The following CARD10 variants were observed in gnomAD, a reference collection of about 807,000 sequenced individuals.
The protein encoded by CARD10 is caspase recruitment domain family member 10, also known as caspase recruitment domain-containing protein 10.
CARD10 carries 49 observed loss-of-function variants against 114.6 expected under a neutral mutation model. The ratio of observed to expected loss-of-function variants is 0.43; its 90% CI spans 0.34 to 0.54. The LOEUF (loss-of-function observed/expected upper bound fraction) is 0.54, where lower values mean the gene tolerates loss of function less well. CARD10 is among the 20% of genes least tolerant of loss of function. The pLI, the probability that CARD10 is intolerant of heterozygous loss-of-function variation, is 0.03. For missense variants in CARD10, 1,206 were observed against 1,397.2 expected (o/e 0.86, Z 2.18); for synonymous variants, 602 against 593.2 (o/e 1.01, Z -0.21).
chr22:37,502,613 G>A lies in CARD10; in HGVS notation c.1776C>T (p.Asp592=). The A allele has an allele frequency of 1.2e-6, 2 of 1,613,826 alleles. No homozygotes were observed. The highest frequency in any genetic ancestry group is 1.7e-6 in the Non-Finnish European group (2 of 1,179,928). The stretch of plus-strand genomic sequence containing the variant: ...GGCAGCTACAGTACCTGTTGAGGAA[G>A]TCCAGGCCACAGCCCCGAGCCAGGA... ...EGLLARGCGL[D]FLNRSLAIRV... Residue 592 remains aspartate (D), a synonymous_variant, in exon 11 of 20, where the codon GAC becomes GAT. Coordinates refer to ENST00000251973, the MANE Select transcript of CARD10 (RefSeq NM_014550.4).
Position 37,496,901 on chromosome 22 carries a change from C to A in CARD10, c.1947+118G>T. ...CCACAGCTAATCACTGAGCCCGCTT[C>A]GGCTTTGACCAATCCCCAGAAGCTC... is the stretch of plus-strand genomic sequence containing the variant. On this transcript the variant is annotated intron_variant, in intron 12 of 19. Transcript: ENST00000251973. This position sits in a 1 kb window ranked among gnomAD's most constrained non-coding sequence, Gnocchi z 4.1. 1 of 1,234,546 alleles carries A rather than the reference C, an allele frequency of 8.1e-7. No homozygotes were observed. Among genetic ancestry groups the A allele is most frequent in the Non-Finnish European group, 1.1e-6 (1 of 887,604 alleles). 76.5% of individuals were successfully genotyped at this position (1,234,546 alleles called of 1,614,324 possible).
chr22:37,503,264 C>T, intron 9 of CARD10, 51 bp from the exon 10 acceptor site: 1 of 1,527,474 alleles, frequency 6.5e-7, no homozygotes, highest in Non-Finnish European at 8.9e-7. Context: ...ACAGTGGGCA[C>T]TCTGCCCCGC....
At chr22:37,494,009 G>C in intron 16 of CARD10, 77 bp downstream of exon 16, 1 of 1,129,336 alleles carries the variant, frequency 8.9e-7, no homozygotes, top group Non-Finnish European at 1.3e-6. Flanking sequence ...GGCCACCCAA[G>C]CTAAAGGACA....
chr22:37,517,105 C>T (rs150244982), intron 2 of CARD10, among the ~76,000 whole-genome samples: 34 of 152,302 alleles, frequency 2.2e-4, no homozygotes, highest in African/African-American at 6.3e-4. Context: ...TGCACAAAGA[C>T]GCACATACAA....
intron 11 of CARD10, among the ~76,000 whole-genome samples, chr22:37,499,958 C>T (rs1289257461): frequency 6.6e-6 from 1 of 152,186 alleles, no homozygotes; most frequent in Non-Finnish European, 1.5e-5. Flanking sequence ...GCCCCCTCCC[C>T]AGTCAGGTCA....
At chr22:37,493,129 C>T (rs931084148) in intron 16 of CARD10, among the ~76,000 whole-genome samples, 5 of 152,178 alleles carry the variant, frequency 3.3e-5, no homozygotes, top group Non-Finnish European at 1.5e-5. Context: ...ACATCCCCCA[C>T]GTGGGTGACA....
At chr22:37,510,461 C>A (rs573039985) in intron 3 of CARD10, 40 bp from the exon 4 acceptor site, 1 of 1,587,490 alleles carries the variant, frequency 6.3e-7, no homozygotes, top group African/African-American at 1.3e-5. Flanking sequence ...GGGAGACACA[C>A]TGGGAGCCAC....
In CARD10 at chr22:37,516,239, C is replaced by T. The variant is rs769979914; in HGVS notation, c.433G>A (p.Glu145Lys). 6.2e-7 allele frequency: 1 copy of T among 1,605,804 alleles called. No individual in the cohort carries two copies. The highest frequency in any genetic ancestry group is 8.5e-7 in the Non-Finnish European group (1 of 1,177,326). Reference protein sequence around the residue: ...FLMTEVRRLREARKSQLQREQ... With the variant: ...FLMTEVRRLRKARKSQLQREQ... ...CGCTGCAGCTGGCTCTTGCGAGCTT[C>T]CCGCAGCCGTCGCACCTCTGTCATC... Residue 145 changes from glutamate (E) to lysine (K), a missense_variant, in exon 3 of 20, where the codon GAA (glutamate) becomes AAA (lysine). Coordinates refer to ENST00000251973, the MANE Select transcript of CARD10 (RefSeq NM_014550.4).
rs529928592 is a variant in CARD10 at position 37,504,526 on chromosome 22, C to G, written c.1518+109G>C. On this transcript the variant is annotated intron_variant, in intron 8 of 19. Coordinates refer to ENST00000251973, the MANE Select transcript of CARD10 (RefSeq NM_014550.4). ...TTCAGTAAAGTACTTGGCCTCCCTG[C>G]GCCTCAGTGTCCTCACCTGTGAAAT... is the stretch of plus-strand genomic sequence containing the variant. The G allele has an allele frequency of 3.5e-6, 5 of 1,435,464 alleles. No homozygotes were observed. In the East Asian group the frequency reaches 1.2e-4, roughly 35 times the overall value. 88.9% of individuals were successfully genotyped at this position (1,435,464 alleles called of 1,614,324 possible).
intron 6 of CARD10, among the ~76,000 whole-genome samples, chr22:37,507,369 G>T (rs1257422632): frequency 2.0e-5 from 3 of 152,212 alleles, no homozygotes; most frequent in Non-Finnish European, 2.9e-5. Context: ...CGCTGCAGAT[G>T]GAACCTCACA....
intron 11 of CARD10, among the ~76,000 whole-genome samples, chr22:37,497,957 GA>G (rs1402338523): frequency 6.6e-6 from 1 of 152,132 alleles, no homozygotes; most frequent in Non-Finnish European, 1.5e-5. Flanking sequence ...CGTGGAAGCA[GA>G]GAGAGGCTTC....
At chr22:37,518,743 A>G (rs1923926497) in intron 1 of CARD10, among the ~76,000 whole-genome samples, 1 of 152,194 alleles carries the variant, frequency 6.6e-6, no homozygotes, top group Non-Finnish European at 1.5e-5. Flanking sequence ...GAGAACCCCA[A>G]GAGACAAAAC....
chr22:37,509,643 C>A (rs1426322315), intron 4 of CARD10, among the ~76,000 whole-genome samples: 1 of 149,332 alleles, frequency 6.7e-6, no homozygotes, highest in Non-Finnish European at 1.5e-5. Flanking sequence ...GACCTCCCCG[C>A]AGCCTGTGCC....
At chr22:37,510,485 G>A (rs1032697740) in intron 3 of CARD10, 64 bp from the exon 4 acceptor site, 77 of 1,456,272 alleles carry the variant, frequency 5.3e-5, no homozygotes, top group Non-Finnish European at 7.0e-5. Context: ...TTACAGGGGT[G>A]GGAAGACCTG....
chr22:37,509,124 C>G (rs1341597647), intron 4 of CARD10: 1 of 1,502,856 alleles, frequency 6.7e-7, no homozygotes, highest in African/African-American at 1.4e-5. Context: ...AGATCTTGCC[C>G]CCAGACCCAC....
At chr22:37,513,921 A>G (rs1476211009) in intron 3 of CARD10, among the ~76,000 whole-genome samples, 2 of 151,158 alleles carry the variant, frequency 1.3e-5, no homozygotes, top group Non-Finnish European at 3.0e-5. Flanking sequence ...TAACATGGTG[A>G]AACCCCATCT....
In CARD10 at chr22:37,519,223, G is replaced by A. The variant is rs780968576; in HGVS notation, c.-23C>T. 6.7e-7 allele frequency: 1 copy of A among 1,488,910 alleles called. No individual in the cohort carries two copies. The highest frequency in any genetic ancestry group is 8.9e-7 in the Non-Finnish European group (1 of 1,121,642). 92.2% of individuals were successfully genotyped at this position (1,488,910 alleles called of 1,614,324 possible). ...CATGGCCGTGTCCTCAGGGTCTGCG[G>A]GCAAGAGGCGCACGGGGGTCGACCA... On this transcript the variant is annotated 5_prime_UTR_variant, in exon 1 of 20. Coordinates refer to ENST00000251973, the MANE Select transcript of CARD10 (RefSeq NM_014550.4). This position sits in a 1 kb window ranked among gnomAD's most constrained non-coding sequence, Gnocchi z 4.1.
At chr22:37,511,081 CA>C (rs869295765) in intron 3 of CARD10, among the ~76,000 whole-genome samples, 8,108 of 91,926 alleles carry the variant, frequency 0.088, 214 homozygotes, top group Middle Eastern at 0.25. Flanking sequence ...GACTCTGTCT[CA>C]AAAAAAAAAA....
At position 37,491,092 on chromosome 22, in the gene CARD10, C is replaced by A. The variant is rs1035961945; in HGVS notation, c.*67G>T. On this transcript the variant is annotated 3_prime_UTR_variant, in exon 20 of 20. Transcript: ENST00000251973. ...TCTAGGAAGGCTCAGGGTGGGAGGGCCCAGCTTCACCATAGACACCAGGGT... is the reference window on the plus strand; with the variant it reads ...TCTAGGAAGGCTCAGGGTGGGAGGGACCAGCTTCACCATAGACACCAGGGT... The A allele has an allele frequency of 7.6e-6, 10 of 1,313,488 alleles. No homozygotes were observed. The highest frequency in any genetic ancestry group is 1.5e-5 in the African/African-American group (1 of 68,660). The allele number at this position is 1,313,488 out of a possible 1,614,324, so 81.4% of individuals were successfully genotyped here. A position where few individuals can be genotyped will look rare whatever the true frequency, so the allele number is the denominator to read the frequency against.
Sources: gnomAD v4.1 joint callset for allele counts (sites outside exome capture counted in the v4.1 genomes callset) on GRCh38, gnomAD v4.1.1 for gene constraint, Gnocchi (gnomAD v3.1) non-coding constraint, MANE v1.5 for transcripts, NCBI Gene and HGNC (gene_info 2026-07-23, HGNC 2026-07-21) for gene names.